Variants in ARMH3 observed in about 807,000 individuals in gnomAD.
ARMH3 encodes armadillo like helical domain containing 3, also known as armadillo-like helical domain-containing protein 3.
Under a neutral mutation model 99.1 loss-of-function variants are expected in ARMH3, and 60 were observed. That is an observed-to-expected ratio of 0.61 (90% CI 0.49 to 0.75). The LOEUF is 0.75. ARMH3 is among the 30% of genes least tolerant of loss of function. ARMH3 has a pLI of 0.00. For synonymous variants in ARMH3, 285 were observed against 292.8 expected (o/e 0.97, Z 0.27); for missense variants, 679 against 843.1 (o/e 0.81, Z 2.41).
At chr10:102,031,935 T>C (rs575332360) in intron 4 of ARMH3, among the ~76,000 whole-genome samples, 45 of 152,070 alleles carry the variant, frequency 3.0e-4, no homozygotes, top group African/African-American at 1.1e-3. Flanking sequence ...AGATGGGGTT[T>C]CCCCCTGTTA....
intron 15 of ARMH3, among the ~76,000 whole-genome samples, chr10:102,000,624 T>C (rs2066335495): frequency 6.7e-6 from 1 of 150,014 alleles, no homozygotes; most frequent in African/African-American, 2.5e-5. Context: ...AAAAATATTA[T>C]CCAGGTATAA....
intron 15 of ARMH3, among the ~76,000 whole-genome samples, chr10:101,997,963 T>C (rs1456790767): frequency 3.3e-5 from 5 of 152,182 alleles, no homozygotes; most frequent in Non-Finnish European, 7.4e-5. Context: ...GGAAGAAAGC[T>C]GGGCCAATAA....
At chr10:102,015,937 C>A (rs1378284584) in intron 8 of ARMH3, among the ~76,000 whole-genome samples, 2 of 152,124 alleles carry the variant, frequency 1.3e-5, no homozygotes, top group Non-Finnish European at 2.9e-5. Flanking sequence ...AGTTCAAGAC[C>A]AGCTTGGGCA....
intron 15 of ARMH3, among the ~76,000 whole-genome samples, chr10:101,999,853 G>A (rs2066309151): frequency 2.6e-5 from 4 of 152,140 alleles, no homozygotes; most frequent in Admixed American, 2.0e-4. Context: ...GGGAGGCTGA[G>A]GTGGGCGGAT....
intron 13 of ARMH3, among the ~76,000 whole-genome samples, chr10:102,007,169 A>AAAAAAAG (rs1554888257): frequency 6.7e-6 from 1 of 149,442 alleles, no homozygotes; most frequent in African/African-American, 2.4e-5. Flanking sequence ...CAAAAAAAAA[A>AAAAAAAG]AAAAAAAAAG....
chr10:101,914,150 T>C (rs1336641366), intron 23 of ARMH3, among the ~76,000 whole-genome samples: 1 of 152,186 alleles, frequency 6.6e-6, no homozygotes, highest in Non-Finnish European at 1.5e-5. Context: ...CTATTATGAA[T>C]AGTCAGTAAA....
chr10:102,050,313 G>A (rs2067667375), intron 1 of ARMH3, among the ~76,000 whole-genome samples: 1 of 150,850 alleles, frequency 6.6e-6, no homozygotes, highest in African/African-American at 2.4e-5. Flanking sequence ...GCCAGGCGTG[G>A]TGGTGGGCAC....
At chr10:101,920,501 G>C (rs1218140810) in intron 23 of ARMH3, among the ~76,000 whole-genome samples, 1 of 152,032 alleles carries the variant, frequency 6.6e-6, no homozygotes, top group Non-Finnish European at 1.5e-5. Flanking sequence ...GTGATGAGAG[G>C]GGCCAGCGAG....
intron 16 of ARMH3, among the ~76,000 whole-genome samples, chr10:101,993,946 T>C (rs925794495): frequency 3.9e-5 from 6 of 152,182 alleles, no homozygotes; most frequent in Middle Eastern, 3.2e-3. Flanking sequence ...CTGTTTGTGA[T>C]AGTTTAAGGT....
intron 2 of ARMH3, among the ~76,000 whole-genome samples, chr10:102,034,188 T>C (rs1359243179): frequency 6.6e-6 from 1 of 152,214 alleles, no homozygotes; most frequent in Admixed American, 6.5e-5. Flanking sequence ...CATTTAGTAT[T>C]CTGTACAGAG....
At chr10:102,054,991 C>T (rs1481871445) in intron 1 of ARMH3, among the ~76,000 whole-genome samples, 2 of 147,394 alleles carry the variant, frequency 1.4e-5, no homozygotes, top group Admixed American at 6.9e-5. Context: ...AGCGAAACTC[C>T]GTCTCAAAAA....
At chr10:102,041,106 T>TATATAATATATATATATATATATATA (rs2067412438) in intron 1 of ARMH3, among the ~76,000 whole-genome samples, 2 of 146,526 alleles carry the variant, frequency 1.4e-5, no homozygotes, top group Non-Finnish European at 3.0e-5. Flanking sequence ...TATATATATA[T>TATATAATATATATATATATATATATA]ATATATGTAG....
chr10:102,016,274 C>T (rs537956055), intron 8 of ARMH3, among the ~76,000 whole-genome samples: 56 of 152,268 alleles, frequency 3.7e-4, no homozygotes, highest in African/African-American at 1.2e-3. Context: ...TGAGCACTTC[C>T]TTTGAGTGTC....
At chr10:102,053,964 A>C (rs2067774229) in intron 1 of ARMH3, among the ~76,000 whole-genome samples, 1 of 152,108 alleles carries the variant, frequency 6.6e-6, no homozygotes, top group Non-Finnish European at 1.5e-5. Flanking sequence ...TAAACAGTTC[A>C]CCCTTATATA....
chr10:101,926,523 G>A (rs1843513692), intron 23 of ARMH3, among the ~76,000 whole-genome samples: 1 of 151,970 alleles, frequency 6.6e-6, no homozygotes, highest in Non-Finnish European at 1.5e-5. Context: ...CTAACTTTTG[G>A]GAAAGATATG....
At chr10:101,910,098 T>C (rs1195946194) in intron 23 of ARMH3, among the ~76,000 whole-genome samples, 1 of 152,200 alleles carries the variant, frequency 6.6e-6, no homozygotes. Context: ...ATCAATACAG[T>C]GATGCGGCCC....
chr10:101,898,014 A>G (rs560584396), intron 23 of ARMH3, among the ~76,000 whole-genome samples: 1 of 152,292 alleles, frequency 6.6e-6, no homozygotes, highest in African/African-American at 2.4e-5. Flanking sequence ...ACTGAGACAC[A>G]TAGTTAATGT....
In ARMH3 at chr10:101,925,805, G is replaced by A. The variant is rs186006799; in HGVS notation, c.1781+14058C>T. Among the ~76,000 whole-genome samples the A allele has an allele frequency of 2.6e-5, 4 of 152,266 alleles. No homozygotes were observed. The East Asian group carries it at 7.7e-4, about 29-fold the overall frequency. ...GGTGCCTGTAATCCCGGCTACCCAGGGAGGCTGAGGCAGGGGAATTGCCTG... is the reference window on the plus strand; with the variant it reads ...GGTGCCTGTAATCCCGGCTACCCAGAGAGGCTGAGGCAGGGGAATTGCCTG... On this transcript the variant is annotated intron_variant, in intron 23 of 25. Transcript: ENST00000370033.
At chr10:101,956,496 G>A in intron 22 of ARMH3, 101 bp downstream of exon 22, 6 of 1,441,460 alleles carry the variant, frequency 4.2e-6, no homozygotes, top group South Asian at 1.3e-5. Flanking sequence ...GCCACACAGG[G>A]CACCAAACAA....
Sources: allele counts gnomAD v4.1 joint callset (sites outside exome capture counted in the v4.1 genomes callset), GRCh38; gene constraint gnomAD v4.1.1; transcripts MANE v1.5; gene names NCBI Gene and HGNC (gene_info 2026-07-23, HGNC 2026-07-21).